Variants in AMBRA1 observed in about 807,000 individuals in gnomAD.
The protein encoded by AMBRA1 is autophagy and beclin 1 regulator 1.
A neutral mutation model predicts 125.4 loss-of-function variants in AMBRA1; 47 were observed. The ratio of observed to expected loss-of-function variants is 0.37; its 90% CI spans 0.30 to 0.48. The LOEUF (loss-of-function observed/expected upper bound fraction) is 0.48, where lower values mean the gene tolerates loss of function less well. AMBRA1 is among the 20% of genes least tolerant of loss of function. AMBRA1 has a pLI of 0.99. For missense variants in AMBRA1, 1,331 were observed against 1,693.4 expected, an observed-to-expected ratio of 0.79 and a Z score of 3.76; for synonymous variants, 626 against 655.5, an observed-to-expected ratio of 0.95 and a Z score of 0.69.
At chr11:46,566,333 G>A (rs1288379911) in intron 1 of AMBRA1, among the ~76,000 whole-genome samples, 3 of 151,828 alleles carry the variant, frequency 2.0e-5, no homozygotes, top group Admixed American at 6.6e-5. Flanking sequence ...CAGGAGAATC[G>A]CTTGAACCCA....
At chr11:46,559,783 T>A (rs1373133597) in intron 1 of AMBRA1, among the ~76,000 whole-genome samples, 1 of 152,234 alleles carries the variant, frequency 6.6e-6, no homozygotes, top group Non-Finnish European at 1.5e-5. Context: ...TGGCTTGTTA[T>A]ATAATCTTGG....
At chr11:46,489,819 A>T (rs1950401072) in intron 11 of AMBRA1, among the ~76,000 whole-genome samples, 1 of 152,230 alleles carries the variant, frequency 6.6e-6, no homozygotes, top group Non-Finnish European at 1.5e-5. Context: ...GCAGAAAAAT[A>T]TTATAAGCTT....
At chr11:46,452,067 A>C (rs1051831972) in intron 11 of AMBRA1, among the ~76,000 whole-genome samples, 5 of 151,892 alleles carry the variant, frequency 3.3e-5, no homozygotes, top group Non-Finnish European at 7.4e-5. Context: ...ACTAAAAGCC[A>C]TTGAAATGTA....
intron 11 of AMBRA1, among the ~76,000 whole-genome samples, chr11:46,468,886 G>C (rs1766571604): frequency 6.6e-6 from 1 of 151,978 alleles, no homozygotes; most frequent in African/African-American, 2.4e-5. Flanking sequence ...GCTCAAGCCT[G>C]TAATCCCAGC....
chr11:46,448,341 T>C (rs1307985425), intron 11 of AMBRA1, among the ~76,000 whole-genome samples: 2 of 152,194 alleles, frequency 1.3e-5, no homozygotes, highest in Admixed American at 6.5e-5. Context: ...GATTAAACAA[T>C]ACATTTCTGA....
chr11:46,400,484 T>G lies in AMBRA1; in HGVS notation c.3404-2541A>C, dbSNP rs1020531523. On this transcript the variant is annotated intron_variant, in intron 17 of 17. Coordinates refer to ENST00000683756, the MANE Select transcript of AMBRA1 (RefSeq NM_001387011.1). ...TAGTTCTTTCTATAGTTTTTTTTTT[T>G]TTTTTTTTTTTTTTTTTTTTTTTTT... 4.4e-5 allele frequency among the ~76,000 whole-genome samples: 3 copies of G among 68,856 alleles called. No individual in the cohort carries two copies. In the East Asian group the frequency reaches 8.6e-4, roughly 20 times the overall value. The allele number at this position is 68,856 out of a possible 152,430, so 45.2% of individuals were successfully genotyped here. A position where few individuals can be genotyped will look rare whatever the true frequency, so the allele number is the denominator to read the frequency against.
chr11:46,576,320 G>T (rs570610556), intron 1 of AMBRA1, among the ~76,000 whole-genome samples: 5 of 152,170 alleles, frequency 3.3e-5, no homozygotes, highest in East Asian at 1.9e-4. Context: ...TGTAGACGGG[G>T]TCTCCGTATG....
chr11:46,512,170 A>G (rs989323290), intron 8 of AMBRA1, among the ~76,000 whole-genome samples: 1 of 152,206 alleles, frequency 6.6e-6, no homozygotes, highest in Admixed American at 6.5e-5. Flanking sequence ...ATGTCTTCTA[A>G]TAAGTGTAAG....
intron 11 of AMBRA1, among the ~76,000 whole-genome samples, chr11:46,478,536 T>C (rs544147511): frequency 9.9e-5 from 15 of 152,270 alleles, no homozygotes; most frequent in Admixed American, 2.0e-4. Flanking sequence ...ATATCCTATG[T>C]CTAGGAAACC....
intron 1 of AMBRA1, among the ~76,000 whole-genome samples, chr11:46,558,865 G>A (rs1471091393): frequency 6.6e-6 from 1 of 152,088 alleles, no homozygotes; most frequent in Non-Finnish European, 1.5e-5. Context: ...ATGAGTATGT[G>A]TATTTACTTA....
intron 1 of AMBRA1, among the ~76,000 whole-genome samples, chr11:46,561,199 G>A (rs754847927): frequency 2.0e-5 from 3 of 151,994 alleles, no homozygotes; most frequent in African/African-American, 4.8e-5. Context: ...TGGCCAACAC[G>A]GTGAAACCCT....
chr11:46,494,226 C>A (rs1471964776), intron 9 of AMBRA1, 22 bp from the exon 10 acceptor site: 1 of 1,566,296 alleles, frequency 6.4e-7, no homozygotes, highest in Admixed American at 1.8e-5. Context: ...AAAAACACTA[C>A]ACATAAGAGA....
At chr11:46,425,905 G>T (rs776262529) in intron 14 of AMBRA1, among the ~76,000 whole-genome samples, 7 of 151,988 alleles carry the variant, frequency 4.6e-5, no homozygotes, top group Non-Finnish European at 1.0e-4. Flanking sequence ...CCAGCACTTT[G>T]GGAGGCTGCG....
At chr11:46,521,451 G>C in intron 7 of AMBRA1, among the ~76,000 whole-genome samples, 1 of 152,260 alleles carries the variant, frequency 6.6e-6, no homozygotes, top group East Asian at 1.9e-4. Flanking sequence ...GAAGGGGCAG[G>C]AGGCCAAATA....
chr11:46,420,391 T>C (rs1475503699), intron 14 of AMBRA1, among the ~76,000 whole-genome samples: 2 of 152,222 alleles, frequency 1.3e-5, no homozygotes, highest in Non-Finnish European at 1.5e-5. Flanking sequence ...TCATGGCTGC[T>C]ATTCTCACTC....
intron 14 of AMBRA1, among the ~76,000 whole-genome samples, chr11:46,419,840 T>A (rs1346722218): frequency 6.6e-6 from 1 of 152,080 alleles, no homozygotes. Flanking sequence ...GGAGGGATGA[T>A]TGAGTCTGAA....
intron 11 of AMBRA1, among the ~76,000 whole-genome samples, chr11:46,474,330 T>C (rs1419769366): frequency 2.6e-5 from 4 of 152,168 alleles, no homozygotes; most frequent in Non-Finnish European, 4.4e-5. Flanking sequence ...ATCAGGTATA[T>C]GATCAATACG....
chr11:46,579,504 C>A lies in AMBRA1; in HGVS notation c.-121+14324G>T, dbSNP rs527375520. On this transcript the variant is annotated intron_variant, in intron 1 of 17. Coordinates refer to ENST00000683756, the MANE Select transcript of AMBRA1 (RefSeq NM_001387011.1). ...AGTAAGTACATAAAAAGTAGATAAA[C>A]CCTTAAGGCCAACATAAAAAGGCCA... Among the ~76,000 whole-genome samples the A allele has an allele frequency of 7.2e-5, 11 of 152,174 alleles. No individual in the cohort carries two copies. The South Asian group carries it at 2.3e-3, about 32-fold the overall frequency.
intron 15 of AMBRA1, 136 bp downstream of exon 15, chr11:46,417,777 A>T: frequency 9.4e-7 from 1 of 1,064,892 alleles, no homozygotes; most frequent in Non-Finnish European, 1.3e-6. Context: ...AGGGCCCTTT[A>T]AGGAGTGGCG....
Sources: allele counts gnomAD v4.1 joint callset (sites outside exome capture counted in the v4.1 genomes callset), GRCh38; gene constraint gnomAD v4.1.1; transcripts MANE v1.5; gene names NCBI Gene and HGNC (gene_info 2026-07-23, HGNC 2026-07-21).